Variants in ZNF728 observed in about 807,000 individuals in gnomAD.
ZNF728 encodes zinc finger protein 728.
ZNF728 carries 12 observed loss-of-function variants against 12.5 expected under a neutral mutation model. The observed-to-expected ratio is 0.96, with a 90% confidence interval of 0.61 to 1.55. The LOEUF is 1.55. ZNF728 is among the 40% of genes most tolerant of loss of function. The pLI is 0.00. For missense variants in ZNF728, 692 were observed against 719.2 expected (o/e 0.96, Z 0.43); for synonymous variants, 205 against 240.7 (o/e 0.85, Z 1.37).
chr19:22,980,036 A>T, intron 3 of ZNF728, among the ~76,000 whole-genome samples: 1 of 152,160 alleles, frequency 6.6e-6, no homozygotes, highest in Non-Finnish European at 1.5e-5. Context: ...AAATGGGCTA[A>T]ATGCCCCCAA....
At chr19:22,978,410 G>A (rs1381516185) in intron 3 of ZNF728, among the ~76,000 whole-genome samples, 5 of 151,942 alleles carry the variant, frequency 3.3e-5, no homozygotes, top group African/African-American at 7.3e-5. Flanking sequence ...AAAGTATATC[G>A]GCACTGCATA....
chr19:22,979,242 TA>T (rs1968836975), intron 3 of ZNF728, among the ~76,000 whole-genome samples: 1 of 152,028 alleles, frequency 6.6e-6, no homozygotes, highest in South Asian at 2.1e-4. Context: ...GCTGAATCGA[TA>T]AAGTGGAAGA....
At chr19:22,978,583 G>A (rs1968829992) in intron 3 of ZNF728, among the ~76,000 whole-genome samples, 1 of 152,190 alleles carries the variant, frequency 6.6e-6, no homozygotes, top group South Asian at 2.1e-4. Flanking sequence ...CCCAGTAGAA[G>A]CTGACAGACA....
At chr19:22,991,526 C>G (rs1315893222) in intron 1 of ZNF728, among the ~76,000 whole-genome samples, 1 of 152,144 alleles carries the variant, frequency 6.6e-6, no homozygotes, top group Non-Finnish European at 1.5e-5. Context: ...GAATCAACTA[C>G]TAGATCTGCA....
rs1405155332 is a variant in ZNF728 at position 22,976,143 on chromosome 19, A to AC, written c.1193dup (p.Cys398TrpfsTer2). 5.0e-6 allele frequency: 8 copies of AC among 1,613,278 alleles called. No homozygotes were observed. The highest frequency in any genetic ancestry group is 6.8e-6 in the Non-Finnish European group (8 of 1,179,904). ...ACTTAAAGGTTTTGCCACATTCTTC[A>AC]CATTTGTAAGGTTTGTCTCCAGCAT... On this transcript the variant is annotated frameshift_variant, in exon 4 of 4. Transcript: ENST00000594710. LOFTEE classifies it low-confidence loss of function (END_TRUNC).
intron 3 of ZNF728, among the ~76,000 whole-genome samples, chr19:22,978,699 G>A (rs1410882956): frequency 6.6e-6 from 1 of 152,176 alleles, no homozygotes; most frequent in Non-Finnish European, 1.5e-5. Context: ...GCCTCAGCTG[G>A]TGATACCCAG....
intron 1 of ZNF728, among the ~76,000 whole-genome samples, chr19:22,993,507 AT>A (rs1969013529): frequency 6.6e-6 from 1 of 152,220 alleles, no homozygotes. Flanking sequence ...CAGACAGTTT[AT>A]TTGGGTCAAG....
In ZNF728 at chr19:22,978,715, C is replaced by T. The variant is rs545259286; in HGVS notation, c.227-1605G>A. On this transcript the variant is annotated intron_variant, in intron 3 of 3. Coordinates refer to ENST00000594710, the MANE Select transcript of ZNF728 (RefSeq NM_001267716.2). ...CCTCAGCTGGTGATACCCAGGAAAACAGGGTCTGGAGTGGACCTCCAGCAA... is the reference window on the plus strand; with the variant it reads ...CCTCAGCTGGTGATACCCAGGAAAATAGGGTCTGGAGTGGACCTCCAGCAA... Among the ~76,000 whole-genome samples, 13 of 152,282 alleles carry T rather than the reference C, an allele frequency of 8.5e-5. No individual in the cohort carries two copies. In the South Asian group the frequency reaches 2.5e-3, roughly 29 times the overall value.
intron 1 of ZNF728, among the ~76,000 whole-genome samples, chr19:23,002,009 T>C (rs1226465701): frequency 1.3e-5 from 2 of 152,182 alleles, no homozygotes; most frequent in African/African-American, 4.8e-5. Flanking sequence ...TAGTTCCTAA[T>C]TTCTACTTTT....
rs1339866183 is a variant in ZNF728, at chr19:22,975,363, T to C, written c.*105A>G. ...ATGTTTAGTAAGGATTGAGGAACAG[T>C]TAAAAAATTTGCCACATTCTTCACA... On this transcript the variant is annotated 3_prime_UTR_variant, in exon 4 of 4. Coordinates refer to ENST00000594710, the MANE Select transcript of ZNF728 (RefSeq NM_001267716.2). 5 of 1,037,334 alleles carry C rather than the reference T, an allele frequency of 4.8e-6. No individual in the cohort carries two copies. The highest frequency in any genetic ancestry group is 4.7e-5 in the South Asian group (3 of 63,854). 64.3% of individuals were successfully genotyped at this position (1,037,334 alleles called of 1,614,324 possible).
chr19:22,992,272 T>G (rs1055563371), intron 1 of ZNF728, among the ~76,000 whole-genome samples: 2 of 152,186 alleles, frequency 1.3e-5, no homozygotes, highest in Non-Finnish European at 2.9e-5. Flanking sequence ...AGACTGAGTC[T>G]CACTTTGTTG....
At chr19:22,979,302 C>A (rs1384569638) in intron 3 of ZNF728, among the ~76,000 whole-genome samples, 1 of 151,918 alleles carries the variant, frequency 6.6e-6, no homozygotes, top group Non-Finnish European at 1.5e-5. Context: ...AGCAAGAAGA[C>A]AAGATTAGAG....
chr19:22,993,741 G>A (rs1969017301), intron 1 of ZNF728, among the ~76,000 whole-genome samples: 1 of 152,070 alleles, frequency 6.6e-6, no homozygotes. Flanking sequence ...TGTCCAGTGT[G>A]GAATTATTAG....
At position 22,976,496 on chromosome 19, in the gene ZNF728, C is replaced by T. The variant is rs765833605; in HGVS notation, c.841G>A (p.Glu281Lys). ...CATTCTTCACATTTGTAGGGTTTCT[C>T]TCCAGCATGACTTCTCTTATGTTCA... Reference protein sequence around the residue: ...LIEHKRSHAGEKPYKCEECGK... With the variant: ...LIEHKRSHAGKKPYKCEECGK... The change falls in exon 4 of 4, where the codon GAG (glutamate) becomes AAG (lysine). Residue 281 changes from glutamate to lysine, a missense_variant. This residue lies in a region of ZNF728 where 440 missense variants were observed against 459.6 expected (regional missense o/e 0.96). Coordinates refer to ENST00000594710, the MANE Select transcript of ZNF728 (RefSeq NM_001267716.2). The T allele has an allele frequency of 6.2e-7, 1 of 1,612,950 alleles. No homozygotes were observed. Among genetic ancestry groups the T allele is most frequent in the African/African-American group, 1.3e-5 (1 of 74,880 alleles).
At chr19:22,988,823 G>A (rs973788719) in intron 1 of ZNF728, among the ~76,000 whole-genome samples, 6 of 152,122 alleles carry the variant, frequency 3.9e-5, no homozygotes, top group Middle Eastern at 3.4e-3. Context: ...AGGCCAAGGC[G>A]GGCAGATCAC....
chr19:22,997,777 G>A (rs559402048), intron 1 of ZNF728, among the ~76,000 whole-genome samples: 2 of 146,476 alleles, frequency 1.4e-5, no homozygotes, highest in South Asian at 2.1e-4. Context: ...ATGAAGATAC[G>A]AATAAACACA....
At chr19:22,979,197 A>T (rs1302478563) in intron 3 of ZNF728, among the ~76,000 whole-genome samples, 2 of 152,214 alleles carry the variant, frequency 1.3e-5, no homozygotes, top group Non-Finnish European at 2.9e-5. Context: ...AAAACACAGC[A>T]TGAGAACTTC....
intron 1 of ZNF728, among the ~76,000 whole-genome samples, chr19:22,997,373 A>C (rs976693538): frequency 6.6e-6 from 1 of 152,230 alleles, no homozygotes; most frequent in Non-Finnish European, 1.5e-5. Flanking sequence ...ATACAATTAA[A>C]TAAAAATTAA....
chr19:22,977,259 A>T, intron 3 of ZNF728, 149 bp from the exon 4 acceptor site: 1 of 766,506 alleles, frequency 1.3e-6, no homozygotes, highest in Non-Finnish European at 2.0e-6. Flanking sequence ...TAAATGTAAT[A>T]AAAGCATACA....
Sources: gnomAD v4.1 joint callset for allele counts (sites outside exome capture counted in the v4.1 genomes callset) on GRCh38, gnomAD v4.1.1 for gene constraint, gnomAD v4.1.1 regional missense constraint, MANE v1.5 for transcripts, NCBI Gene and HGNC (gene_info 2026-07-23, HGNC 2026-07-21) for gene names.